FRMD4A: variants seen among roughly 807,000 people sequenced by gnomAD.
The protein encoded by FRMD4A is FERM domain-containing protein 4A.
A neutral mutation model predicts 129.1 loss-of-function variants in FRMD4A; 29 were observed. The ratio of observed to expected loss-of-function variants is 0.22; its 90% CI spans 0.17 to 0.31. FRMD4A has a LOEUF of 0.31. Among genes scored for constraint, FRMD4A ranks in the 10% least tolerant of loss-of-function variants. The pLI is 1.00. For missense variants in FRMD4A, 1,272 were observed against 1,375.8 expected, an observed-to-expected ratio of 0.92 and a Z score of 1.19; for synonymous variants, 634 against 571.6, an observed-to-expected ratio of 1.11 and a Z score of -1.56.
chr10:14,101,486 C>G (rs1462667335), intron 2 of FRMD4A, among the ~76,000 whole-genome samples: 2 of 152,048 alleles, frequency 1.3e-5, no homozygotes, highest in Non-Finnish European at 2.9e-5. Context: ...ATGCTCTATT[C>G]CAATTTAGGT....
At chr10:13,772,642 T>C (rs1462871693) in intron 6 of FRMD4A, among the ~76,000 whole-genome samples, 1 of 152,294 alleles carries the variant, frequency 6.6e-6, no homozygotes, top group African/African-American at 2.4e-5. Context: ...CTCATTTTAA[T>C]GCTAAAAGCC....
At chr10:13,664,428 G>A (rs1456424439) in intron 18 of FRMD4A, among the ~76,000 whole-genome samples, 1 of 152,118 alleles carries the variant, frequency 6.6e-6, no homozygotes, top group Non-Finnish European at 1.5e-5. Context: ...CTTGGCCAAG[G>A]ACAACAGGAT....
chr10:13,745,155 A>C (rs1275610906), intron 9 of FRMD4A, among the ~76,000 whole-genome samples: 1 of 152,220 alleles, frequency 6.6e-6, no homozygotes, highest in Non-Finnish European at 1.5e-5. Flanking sequence ...TTATGTACAG[A>C]TATCAGAGTA....
At chr10:14,148,820 G>T (rs1840207089) in intron 2 of FRMD4A, among the ~76,000 whole-genome samples, 1 of 151,934 alleles carries the variant, frequency 6.6e-6, no homozygotes, top group Non-Finnish European at 1.5e-5. Flanking sequence ...GTTTCCAGGA[G>T]GACTTACACA....
At chr10:13,976,022 G>A (rs955565026) in intron 2 of FRMD4A, among the ~76,000 whole-genome samples, 8 of 152,314 alleles carry the variant, frequency 5.3e-5, no homozygotes, top group Non-Finnish European at 8.8e-5. Context: ...GGTAATGGAC[G>A]AGGACAGAGT....
intron 12 of FRMD4A, among the ~76,000 whole-genome samples, chr10:13,729,992 G>T (rs1245249403): frequency 6.6e-6 from 1 of 152,162 alleles, no homozygotes; most frequent in Non-Finnish European, 1.5e-5. Context: ...GCCTGCTGGA[G>T]GTCTCTTTAT....
intron 12 of FRMD4A, among the ~76,000 whole-genome samples, chr10:13,731,482 C>G (rs925813758): frequency 6.6e-6 from 1 of 152,028 alleles, no homozygotes; most frequent in African/African-American, 2.4e-5. Flanking sequence ...AACCCCGTCT[C>G]TACTAAAAAT....
intron 2 of FRMD4A, among the ~76,000 whole-genome samples, chr10:14,318,930 G>C (rs1421310007): frequency 6.6e-6 from 1 of 152,218 alleles, no homozygotes; most frequent in African/African-American, 2.4e-5. Flanking sequence ...GCTAGGTTAT[G>C]AGCGATCATA....
intron 2 of FRMD4A, among the ~76,000 whole-genome samples, chr10:14,088,247 G>C (rs967141780): frequency 2.6e-5 from 4 of 152,130 alleles, no homozygotes; most frequent in South Asian, 4.2e-4. Context: ...AGGGATCTGA[G>C]ACCAGCCTGG....
At chr10:14,295,321 C>A (rs1218460) in intron 2 of FRMD4A, among the ~76,000 whole-genome samples, 31,697 of 152,108 alleles carry the variant, frequency 0.21, 5,259 homozygotes, top group African/African-American at 0.46. Context: ...ACTAAAGACC[C>A]AATTCACTTT....
chr10:13,985,955 A>T (rs1352955453), intron 2 of FRMD4A, among the ~76,000 whole-genome samples: 1 of 152,164 alleles, frequency 6.6e-6, no homozygotes, highest in African/African-American at 2.4e-5. Context: ...CTCCAAACGA[A>T]GCCCCTCCCC....
At chr10:13,743,247 C>T (rs1208879697) in intron 9 of FRMD4A, among the ~76,000 whole-genome samples, 7 of 152,138 alleles carry the variant, frequency 4.6e-5, no homozygotes, top group East Asian at 1.9e-4. Context: ...AGACGATTCT[C>T]GAAAAGCATG....
intron 2 of FRMD4A, among the ~76,000 whole-genome samples, chr10:14,233,297 C>T (rs80112103): frequency 0.062 from 9,445 of 152,280 alleles, 359 homozygotes; most frequent in Middle Eastern, 0.11. Flanking sequence ...TGGCTAGGAG[C>T]AGTGGCTCAC....
At chr10:14,270,423 C>T (rs1454196727) in intron 2 of FRMD4A, among the ~76,000 whole-genome samples, 3 of 152,170 alleles carry the variant, frequency 2.0e-5, no homozygotes, top group Admixed American at 1.3e-4. Flanking sequence ...GGCTATTATC[C>T]TATCTACCAC....
intron 2 of FRMD4A, among the ~76,000 whole-genome samples, chr10:13,918,840 T>C (rs1429361091): frequency 6.6e-6 from 1 of 151,456 alleles, no homozygotes; most frequent in East Asian, 1.9e-4. Context: ...TCAATACTGT[T>C]ATAAAACAAA....
In FRMD4A at chr10:13,938,037, A is replaced by C. The variant is rs143964975; in HGVS notation, c.46-79125T>G. 6.6e-5 allele frequency among the ~76,000 whole-genome samples: 10 copies of C among 152,366 alleles called. No individual in the cohort carries two copies. In the East Asian group the frequency reaches 1.9e-3, roughly 29 times the overall value. On this transcript the variant is annotated intron_variant, in intron 2 of 24. Coordinates refer to ENST00000357447, the MANE Select transcript of FRMD4A (RefSeq NM_018027.5). ...TGTTAAATATGAAAGAAACTGAATA[A>C]AAAGTCTGAAAAAGGAATTTAAGAG... is the stretch of plus-strand genomic sequence containing the variant.
At chr10:13,939,167 C>T (rs961022250) in intron 2 of FRMD4A, among the ~76,000 whole-genome samples, 12 of 152,314 alleles carry the variant, frequency 7.9e-5, no homozygotes, top group Admixed American at 4.6e-4. Context: ...CAGTACCAAC[C>T]GTATGGTTCA....
At chr10:14,027,749 G>C (rs897903346) in intron 2 of FRMD4A, among the ~76,000 whole-genome samples, 2 of 152,244 alleles carry the variant, frequency 1.3e-5, no homozygotes, top group Non-Finnish European at 2.9e-5. Context: ...TCTTACTCTA[G>C]CACTGGGGCT....
At chr10:13,767,985 T>C (rs75856289) in intron 6 of FRMD4A, among the ~76,000 whole-genome samples, 2,252 of 152,256 alleles carry the variant, frequency 0.015, 40 homozygotes, top group African/African-American at 0.05. Flanking sequence ...GTGTGTACTT[T>C]AGGCATCTGC....
Sources: gnomAD v4.1 joint callset for allele counts (sites outside exome capture counted in the v4.1 genomes callset) on GRCh38, gnomAD v4.1.1 for gene constraint, MANE v1.5 for transcripts, NCBI Gene and HGNC (gene_info 2026-07-23, HGNC 2026-07-21) for gene names.